TRHDE: variants seen among roughly 807,000 people sequenced by gnomAD.
The protein encoded by TRHDE is thyrotropin-releasing hormone-degrading ectoenzyme.
TRHDE carries 72 observed loss-of-function variants against 125.7 expected under a neutral mutation model. The ratio of observed to expected loss-of-function variants is 0.57; its 90% CI spans 0.47 to 0.70. The LOEUF is 0.70. TRHDE is among the 30% of genes least tolerant of loss of function. The pLI, the probability that TRHDE is intolerant of heterozygous loss-of-function variation, is 0.00. For synonymous variants in TRHDE, 509 were observed against 509.1 expected, an observed-to-expected ratio of 1.00 and a Z score of 0.00; for missense variants, 1,110 against 1,327.1, an observed-to-expected ratio of 0.84 and a Z score of 2.54.
chr12:72,361,372 T>C (rs574273728), intron 2 of TRHDE, among the ~76,000 whole-genome samples: 2 of 151,974 alleles, frequency 1.3e-5, no homozygotes, highest in African/African-American at 4.8e-5. Context: ...GGACATGCAT[T>C]ATGTATAAAA....
intron 2 of TRHDE, among the ~76,000 whole-genome samples, chr12:72,348,091 G>A (rs1352223342): frequency 2.0e-5 from 3 of 151,388 alleles, no homozygotes; most frequent in Admixed American, 6.6e-5. Context: ...CAGTATTTAT[G>A]GTATACAACA....
Position 72,652,319 on chromosome 12 carries a change from T to C in TRHDE, c.2676-3T>C, listed in dbSNP as rs1462695358. Reference sequence around the variant, plus strand: ...AGAAAACCACCATGGGTTGCTTCTTTAGAATACCACTAAATGTTAGAGACA... The same window carrying C: ...AGAAAACCACCATGGGTTGCTTCTTCAGAATACCACTAAATGTTAGAGACA... On this transcript the variant is annotated splice_region_variant and splice_polypyrimidine_tract_variant and intron_variant, in intron 15 of 18. Coordinates refer to ENST00000261180, the MANE Select transcript of TRHDE (RefSeq NM_013381.3). The C allele has an allele frequency of 3.5e-6, 5 of 1,430,956 alleles. No homozygotes were observed. The highest frequency in any genetic ancestry group is 4.6e-6 in the Non-Finnish European group (5 of 1,083,462). 88.6% of individuals were successfully genotyped at this position (1,430,956 alleles called of 1,614,324 possible).
intron 2 of TRHDE, among the ~76,000 whole-genome samples, chr12:72,313,824 G>C (rs1029182182): frequency 2.0e-5 from 3 of 152,180 alleles, no homozygotes; most frequent in Middle Eastern, 3.2e-3. Flanking sequence ...CTGGGGAAGA[G>C]GGCAGATTTC....
chr12:72,655,154 C>T (rs539844538), intron 17 of TRHDE, among the ~76,000 whole-genome samples: 10 of 152,180 alleles, frequency 6.6e-5, no homozygotes, highest in South Asian at 2.1e-4. Flanking sequence ...CTCTTTGCAG[C>T]CTTGACCTCC....
chr12:72,380,068 G>T (rs2135778305), intron 3 of TRHDE, among the ~76,000 whole-genome samples: 1 of 152,210 alleles, frequency 6.6e-6, no homozygotes. Context: ...ATAGAAACCA[G>T]CTTAGTATTT....
At chr12:72,421,280 G>C (rs995081554) in intron 3 of TRHDE, among the ~76,000 whole-genome samples, 1 of 152,112 alleles carries the variant, frequency 6.6e-6, no homozygotes, top group Non-Finnish European at 1.5e-5. Flanking sequence ...GAGATCCTAG[G>C]GCTGGAGGTG....
intron 3 of TRHDE, among the ~76,000 whole-genome samples, chr12:72,421,188 C>T (rs1309744827): frequency 6.6e-6 from 1 of 152,150 alleles, no homozygotes; most frequent in African/African-American, 2.4e-5. Context: ...TTTAATCCCC[C>T]ATTAGTCACA....
At chr12:72,129,814 T>A (rs1875818613) in intron 2 of TRHDE, among the ~76,000 whole-genome samples, 2 of 152,228 alleles carry the variant, frequency 1.3e-5, no homozygotes, top group Non-Finnish European at 2.9e-5. Context: ...CCAATAATAG[T>A]TCTCTATTCC....
rs1223885354 is a variant in TRHDE at position 72,426,704 on chromosome 12, C to A, written c.1316-43054C>A. ...TTATAGGTGCTAGAGATATGGCAAC[C>A]ACAAAAATAGATTTAAAAAAAAAAA... On this transcript the variant is annotated intron_variant, in intron 3 of 18. Transcript: ENST00000261180. 2.0e-5 allele frequency among the ~76,000 whole-genome samples: 3 copies of A among 147,976 alleles called. No individual in the cohort carries two copies. In the Admixed American group the frequency reaches 2.0e-4, roughly 10 times the overall value.
At chr12:72,318,649 G>A (rs2135707558) in intron 2 of TRHDE, among the ~76,000 whole-genome samples, 1 of 152,216 alleles carries the variant, frequency 6.6e-6, no homozygotes, top group South Asian at 2.1e-4. Flanking sequence ...TGCAGTGTAT[G>A]AATTCAAACT....
chr12:72,453,663 G>C (rs942950579), intron 3 of TRHDE, among the ~76,000 whole-genome samples: 1 of 152,178 alleles, frequency 6.6e-6, no homozygotes, highest in African/African-American at 2.4e-5. Flanking sequence ...GACCTAAGAA[G>C]CAGCCCCTCC....
chr12:72,457,789 G>A (rs1190446830), intron 3 of TRHDE, among the ~76,000 whole-genome samples: 54 of 152,072 alleles, frequency 3.6e-4, no homozygotes, highest in Non-Finnish European at 2.9e-5. Context: ...TCTTTTAAAG[G>A]TAACCACTTC....
intron 1 of TRHDE, 107 bp from the exon 2 acceptor site, chr12:72,286,574 A>T (rs1879896579): frequency 9.1e-7 from 1 of 1,101,976 alleles, no homozygotes. Flanking sequence ...AGAAAAAAAT[A>T]TTGCAATTTG....
intron 2 of TRHDE, among the ~76,000 whole-genome samples, chr12:72,301,125 AT>A (rs371460040): frequency 5.2e-4 from 78 of 151,246 alleles, no homozygotes; most frequent in African/African-American, 1.8e-3. Context: ...ACGGAGTTCT[AT>A]TTTTTTTTAT....
rs747605629 is a variant in TRHDE at position 72,621,144 on chromosome 12, A to G, written c.2506A>G (p.Lys836Glu). Residue 836 changes from lysine to glutamate, a missense_variant, in exon 14 of 19, where the codon AAG becomes GAG. By Grantham distance (56) the Lys-to-Glu change is moderately conservative. This residue lies in a region of TRHDE where 527 missense variants were observed against 651.8 expected (regional missense o/e 0.81). Transcript: ENST00000261180. ...AAAGCAAGTTGCAACAACATATATC[A>G]AGCTTGGGTGGCCGAAAAATAATTT... ...ILKQVATTYI[K>E]LGWPKNNFNG... 1.2e-5 allele frequency: 19 copies of G among 1,612,134 alleles called. No homozygotes were observed. In the East Asian group the frequency reaches 1.6e-4, roughly 13 times the overall value.
chr12:72,500,218 G>A (rs1174787151), intron 6 of TRHDE, among the ~76,000 whole-genome samples: 1 of 151,996 alleles, frequency 6.6e-6, no homozygotes, highest in South Asian at 2.1e-4. Flanking sequence ...TTTTCCCATT[G>A]TTACTTGGAT....
chr12:72,335,677 A>G (rs1376186258), intron 2 of TRHDE, among the ~76,000 whole-genome samples: 2 of 152,236 alleles, frequency 1.3e-5, no homozygotes, highest in Non-Finnish European at 2.9e-5. Flanking sequence ...GAATTTTTAA[A>G]TAGCACTTGA....
chr12:72,590,815 A>AT (rs943920068), intron 12 of TRHDE, among the ~76,000 whole-genome samples: 99 of 152,156 alleles, frequency 6.5e-4, no homozygotes, highest in African/African-American at 2.4e-3. Flanking sequence ...ATTTAATGTA[A>AT]TTATTGATTC....
chr12:72,571,389 CATG>C (rs2136022571), intron 10 of TRHDE, among the ~76,000 whole-genome samples: 1 of 152,206 alleles, frequency 6.6e-6, no homozygotes, highest in South Asian at 2.1e-4. Flanking sequence ...ATTTTATCTA[CATG>C]ATATTAAGGC....
Sources: allele counts gnomAD v4.1 joint callset (sites outside exome capture counted in the v4.1 genomes callset), GRCh38; gene constraint gnomAD v4.1.1; regional missense constraint gnomAD v4.1.1; transcripts MANE v1.5; gene names NCBI Gene and HGNC (gene_info 2026-07-23, HGNC 2026-07-21).